L3HYPDH: variants seen among roughly 807,000 people sequenced by gnomAD.
L3HYPDH encodes trans-L-3-hydroxyproline dehydratase.
In L3HYPDH, 32 loss-of-function variants were observed where a neutral mutation model predicts 26.5. That is an observed-to-expected ratio of 1.21 (90% CI 0.91 to 1.62). The LOEUF is 1.62. L3HYPDH is among the 40% of genes most tolerant of loss of function. The pLI is 0.00. For synonymous variants in L3HYPDH, 215 were observed against 196.6 expected (o/e 1.09, Z -0.78); for missense variants, 554 against 476.4 (o/e 1.16, Z -1.52).
chr14:59,491,577 A>T, the L3HYPDH span, among the ~76,000 whole-genome samples: 1 of 152,208 alleles, frequency 6.6e-6, no homozygotes, highest in African/African-American at 2.4e-5. Context: ...CATCTTTGTA[A>T]AATGGCACAG....
At chr14:59,493,410 A>G in the L3HYPDH span, among the ~76,000 whole-genome samples, 9 of 152,140 alleles carry the variant, frequency 5.9e-5, no homozygotes, top group Admixed American at 2.0e-4. Flanking sequence ...CCAAATTGAC[A>G]CCATGTGGAG....
At chr14:59,493,359 T>C in the L3HYPDH span, among the ~76,000 whole-genome samples, 3 of 152,310 alleles carry the variant, frequency 2.0e-5, no homozygotes, top group East Asian at 3.9e-4. Flanking sequence ...GTTAGTCCTT[T>C]TAAATGCTGC....
chr14:59,488,200 T>C (rs142040030), upstream of L3HYPDH, among the ~76,000 whole-genome samples: 1,405 of 152,072 alleles, frequency 9.2e-3, 23 homozygotes, highest in African/African-American at 0.031. Context: ...AAAAATGATA[T>C]AGCTGTAACC....
intron 1 of L3HYPDH, among the ~76,000 whole-genome samples, chr14:59,480,054 G>A (rs1470000698): frequency 1.3e-5 from 2 of 152,110 alleles, no homozygotes; most frequent in Admixed American, 6.5e-5. Context: ...TGTTTATTTC[G>A]CCCCTTCTCA....
chr14:59,484,941 A>C, upstream of L3HYPDH: 1 of 1,490,290 alleles, frequency 6.7e-7, no homozygotes, highest in African/African-American at 1.4e-5. Flanking sequence ...ACAGTAAAGC[A>C]GAAGCAAGTT....
downstream of L3HYPDH, among the ~76,000 whole-genome samples, chr14:59,469,984 A>G (rs1889273072): frequency 6.6e-6 from 1 of 152,222 alleles, no homozygotes; most frequent in Admixed American, 6.5e-5. Flanking sequence ...AAGCAGATAA[A>G]GAAAGCAAAG....
upstream of L3HYPDH, chr14:59,484,530 T>C: frequency 3.2e-6 from 5 of 1,556,480 alleles, no homozygotes; most frequent in Non-Finnish European, 4.3e-6. Context: ...GCCCGGATGT[T>C]CGGTGCAGCT....
upstream of L3HYPDH, among the ~76,000 whole-genome samples, chr14:59,488,100 C>T (rs1453968941): frequency 1.3e-5 from 2 of 151,786 alleles, no homozygotes; most frequent in African/African-American, 4.8e-5. Flanking sequence ...GTTTTCTACA[C>T]AAAATTGGTT....
chr14:59,486,675 C>T (rs770832386), upstream of L3HYPDH: 3 of 1,374,496 alleles, frequency 2.2e-6, no homozygotes, highest in Non-Finnish European at 2.0e-6. Context: ...TTTATAATCA[C>T]AAAAGATGTT....
At chr14:59,500,997 G>A in the L3HYPDH span, 20 of 528,514 alleles carry the variant, frequency 3.8e-5, no homozygotes, top group Non-Finnish European at 6.0e-5. Flanking sequence ...GAAATGCAGG[G>A]CTGAAACTAT....
At chr14:59,488,303 A>G (rs1226103205), upstream of L3HYPDH, among the ~76,000 whole-genome samples, 1 of 152,194 alleles carries the variant, frequency 6.6e-6, no homozygotes, top group Non-Finnish European at 1.5e-5. Flanking sequence ...AGATATAAAA[A>G]TAACTGACAT....
At chr14:59,468,719 TCTAA>T (rs943856887), downstream of L3HYPDH, among the ~76,000 whole-genome samples, 14 of 152,294 alleles carry the variant, frequency 9.2e-5, no homozygotes, top group African/African-American at 3.4e-4. Flanking sequence ...CACTTAGCAC[TCTAA>T]CAAACTGCTA....
At chr14:59,498,902 C>T in the L3HYPDH span, 1 of 1,593,602 alleles carries the variant, frequency 6.3e-7, no homozygotes, top group Non-Finnish European at 8.6e-7. Flanking sequence ...TGGTGGAGGC[C>T]TTTTATGTAA....
At chr14:59,493,607 T>C in the L3HYPDH span, among the ~76,000 whole-genome samples, 1 of 152,216 alleles carries the variant, frequency 6.6e-6, no homozygotes, top group Non-Finnish European at 1.5e-5. Flanking sequence ...GACAGTTTAA[T>C]AAAAAGGTTG....
the L3HYPDH span, among the ~76,000 whole-genome samples, chr14:59,494,362 T>C: frequency 6.6e-6 from 1 of 152,166 alleles, no homozygotes; most frequent in Non-Finnish European, 1.5e-5. Context: ...AGTGGAATCC[T>C]AACACAATAG....
At chr14:59,498,760 C>A in the L3HYPDH span, 3 of 1,588,680 alleles carry the variant, frequency 1.9e-6, no homozygotes, top group Non-Finnish European at 2.6e-6. Flanking sequence ...ACGCATTCTG[C>A]TTGGTATTAA....
the L3HYPDH span, among the ~76,000 whole-genome samples, chr14:59,497,821 T>A: frequency 6.6e-6 from 1 of 152,180 alleles, no homozygotes; most frequent in African/African-American, 2.4e-5. Flanking sequence ...TATGGTATCA[T>A]GATGCTGTGT....
At chr14:59,493,072 A>G in the L3HYPDH span, among the ~76,000 whole-genome samples, 691 of 152,228 alleles carry the variant, frequency 4.5e-3, 1 homozygote, top group Admixed American at 7.1e-3. Flanking sequence ...TGCTGGGATT[A>G]CAGGCGTGAG....
chr14:59,468,013 C>A (rs1454477170), downstream of L3HYPDH, among the ~76,000 whole-genome samples: 3 of 152,218 alleles, frequency 2.0e-5, no homozygotes, highest in Non-Finnish European at 4.4e-5. Context: ...CCTAACCGGT[C>A]TTCCCACATC....
Sources: allele counts gnomAD v4.1 joint callset (sites outside exome capture counted in the v4.1 genomes callset), GRCh38; gene constraint gnomAD v4.1.1; transcripts MANE v1.5; gene names NCBI Gene and HGNC (gene_info 2026-07-23, HGNC 2026-07-21).